CTNNA2: variants seen among roughly 807,000 people sequenced by gnomAD.
The protein encoded by CTNNA2 is catenin alpha 2.
A neutral mutation model predicts 101.0 loss-of-function variants in CTNNA2; 42 were observed. The observed-to-expected ratio is 0.42, with a 90% confidence interval of 0.32 to 0.54. The LOEUF is 0.54. Ranked by LOEUF, CTNNA2 falls within the 20% of genes least tolerant of loss-of-function variation. CTNNA2 has a pLI of 0.14. For missense variants in CTNNA2, 871 were observed against 1,223.1 expected, an observed-to-expected ratio of 0.71 and a Z score of 4.29; for synonymous variants, 450 against 456.4, an observed-to-expected ratio of 0.99 and a Z score of 0.18.
At chr2:79,921,159 C>T (rs1177864578) in intron 7 of CTNNA2, among the ~76,000 whole-genome samples, 1 of 152,154 alleles carries the variant, frequency 6.6e-6, no homozygotes, top group African/African-American at 2.4e-5. Context: ...ATAACAGTCT[C>T]CTGCTGAGGG....
chr2:79,622,387 GAACTT>G (rs1168985935), intron 1 of CTNNA2, among the ~76,000 whole-genome samples: 1 of 152,084 alleles, frequency 6.6e-6, no homozygotes, highest in African/African-American at 2.4e-5. Context: ...AACAGATAAG[GAACTT>G]AACTTCTTGG....
chr2:80,088,604 TA>T (rs898325750), intron 7 of CTNNA2, among the ~76,000 whole-genome samples: 2 of 152,116 alleles, frequency 1.3e-5, no homozygotes, highest in African/African-American at 2.4e-5. Context: ...GTTTCTTCTT[TA>T]AAAAAATATT....
intron 9 of CTNNA2, among the ~76,000 whole-genome samples, chr2:80,517,877 A>G (rs1019548691): frequency 3.9e-5 from 6 of 152,204 alleles, no homozygotes; most frequent in South Asian, 2.1e-4. Flanking sequence ...AACTCATTTT[A>G]TGATCAGAGT....
intron 7 of CTNNA2, among the ~76,000 whole-genome samples, chr2:79,989,059 G>C (rs976095571): frequency 6.6e-6 from 1 of 152,160 alleles, no homozygotes; most frequent in South Asian, 2.1e-4. Context: ...CGGAAACCTC[G>C]AGAATTGCAT....
chr2:79,504,419 A>G (rs1671368051), intron 4 of CTNNA2, among the ~76,000 whole-genome samples: 1 of 152,224 alleles, frequency 6.6e-6, no homozygotes, highest in South Asian at 2.1e-4. Context: ...CTTCCCAAGT[A>G]GCTGGGACTA....
At chr2:80,103,373 A>C (rs1419943511) in intron 7 of CTNNA2, among the ~76,000 whole-genome samples, 1 of 152,144 alleles carries the variant, frequency 6.6e-6, no homozygotes, top group East Asian at 1.9e-4. Flanking sequence ...TCGTCTTAGA[A>C]GGACACGAGT....
chr2:79,483,964 G>A (rs954415359), intron 4 of CTNNA2, among the ~76,000 whole-genome samples: 4 of 152,128 alleles, frequency 2.6e-5, no homozygotes, highest in African/African-American at 9.7e-5. Context: ...AGTCCAGCAT[G>A]CAAGGGACTT....
intron 7 of CTNNA2, among the ~76,000 whole-genome samples, chr2:80,005,792 G>A (rs1317925800): frequency 6.8e-6 from 1 of 148,144 alleles, no homozygotes; most frequent in Non-Finnish European, 1.5e-5. Flanking sequence ...TTTTAAACAA[G>A]CACAGCTAAA....
intron 7 of CTNNA2, among the ~76,000 whole-genome samples, chr2:80,346,959 G>A (rs1347853963): frequency 6.6e-6 from 1 of 152,194 alleles, no homozygotes; most frequent in Non-Finnish European, 1.5e-5. Context: ...GTGAATTAAG[G>A]ATTTATGGGT....
chr2:80,621,384 A>C (rs954912127), intron 18 of CTNNA2, among the ~76,000 whole-genome samples: 2 of 151,958 alleles, frequency 1.3e-5, no homozygotes, highest in Admixed American at 6.6e-5. Flanking sequence ...TGTGCTGCCT[A>C]CCTGATATAC....
At chr2:79,509,569 A>G (rs1671490946), upstream of CTNNA2, among the ~76,000 whole-genome samples, 1 of 152,224 alleles carries the variant, frequency 6.6e-6, no homozygotes, top group African/African-American at 2.4e-5. Context: ...ACTTGGAGAC[A>G]GGAAAAACAC....
chr2:79,443,194 G>C (rs970781394), intron 4 of CTNNA2, among the ~76,000 whole-genome samples: 3 of 152,078 alleles, frequency 2.0e-5, no homozygotes, highest in Non-Finnish European at 4.4e-5. Context: ...AGGCTGAAAA[G>C]TTCCATGATC....
At chr2:79,748,046 C>T (rs144707081) in intron 3 of CTNNA2, among the ~76,000 whole-genome samples, 1 of 152,310 alleles carries the variant, frequency 6.6e-6, no homozygotes, top group African/African-American at 2.4e-5. Context: ...GGTGCACCTC[C>T]TCACTGACAG....
At chr2:79,226,537 G>A (rs1283114127) in intron 2 of CTNNA2, among the ~76,000 whole-genome samples, 2 of 152,150 alleles carry the variant, frequency 1.3e-5, no homozygotes, top group African/African-American at 4.8e-5. Context: ...AGATATTCGA[G>A]CAGATATAGG....
chr2:79,460,645 T>C (rs1056083291), intron 4 of CTNNA2, among the ~76,000 whole-genome samples: 5 of 152,110 alleles, frequency 3.3e-5, no homozygotes, highest in Non-Finnish European at 7.4e-5. Context: ...CATTCTCTAC[T>C]CTCCTTATGT....
At chr2:79,599,284 G>T (rs145001461) in intron 1 of CTNNA2, among the ~76,000 whole-genome samples, 1 of 152,000 alleles carries the variant, frequency 6.6e-6, no homozygotes, top group East Asian at 1.9e-4. Flanking sequence ...GGCTCTTCTG[G>T]ATCTAAAATG....
chr2:79,572,673 A>G (rs971656330), intron 1 of CTNNA2, among the ~76,000 whole-genome samples: 8 of 152,276 alleles, frequency 5.3e-5, no homozygotes, highest in African/African-American at 1.9e-4. Context: ...AATCACTTGA[A>G]CCTAAGAGGT....
At chr2:79,341,259 TAGAA>T (rs1677131092) in intron 3 of CTNNA2, among the ~76,000 whole-genome samples, 1 of 152,158 alleles carries the variant, frequency 6.6e-6, no homozygotes, top group Admixed American at 6.5e-5. Flanking sequence ...ACTTACAGTC[TAGAA>T]TGAATATAAA....
intron 1 of CTNNA2, among the ~76,000 whole-genome samples, chr2:79,549,334 G>A (rs746146246): frequency 9.2e-5 from 14 of 152,156 alleles, no homozygotes; most frequent in Non-Finnish European, 1.3e-4. Flanking sequence ...ATTCACACAC[G>A]TGGAATGAGC....
Sources: gnomAD v4.1 joint callset for allele counts (sites outside exome capture counted in the v4.1 genomes callset) on GRCh38, gnomAD v4.1.1 for gene constraint, MANE v1.5 for transcripts, NCBI Gene and HGNC (gene_info 2026-07-23, HGNC 2026-07-21) for gene names.